ZNF69: variants seen among roughly 807,000 people sequenced by gnomAD.
ZNF69 encodes ZNF3.
In ZNF69, 47 loss-of-function variants were observed where a neutral mutation model predicts 50.9. That is an observed-to-expected ratio of 0.92 (90% confidence interval 0.73 to 1.18). The LOEUF (loss-of-function observed/expected upper bound fraction) is 1.18. ZNF69 is among the 50% of genes most tolerant of loss of function. The pLI, the probability that ZNF69 is intolerant of heterozygous loss-of-function variation, is 0.00. For synonymous variants in ZNF69, 216 were observed against 223.1 expected (o/e 0.97, Z 0.29); for missense variants, 717 against 675.1 (o/e 1.06, Z -0.69).
intron 1 of ZNF69, among the ~76,000 whole-genome samples, chr19:11,900,605 G>A (rs1246153223): frequency 2.6e-5 from 4 of 152,158 alleles, no homozygotes; most frequent in African/African-American, 9.7e-5. Flanking sequence ...ACCCGTCTCT[G>A]CCTCCCAAAG....
chr19:11,974,135 TTTCTTTCTTTCTTTCTTTCTTTCC>T, the ZNF69 span, among the ~76,000 whole-genome samples: 3 of 102,580 alleles, frequency 2.9e-5, no homozygotes, highest in African/African-American at 1.5e-4. Context: ...CTTTTCTTTC[TTTCTTTCTTTCTTTCTTTCTTTCC>T]TTCCTTCCTT....
At chr19:11,952,121 G>C in the ZNF69 span, among the ~76,000 whole-genome samples, 1 of 152,084 alleles carries the variant, frequency 6.6e-6, no homozygotes, top group African/African-American at 2.4e-5. Context: ...AGAGGTTGCA[G>C]TGAGCCAAGA....
chr19:11,927,427 TA>T, the ZNF69 span, among the ~76,000 whole-genome samples: 1 of 102,756 alleles, frequency 9.7e-6, no homozygotes, highest in African/African-American at 7.8e-5. Context: ...TCTATTTAAA[TA>T]AATAAATAAA....
At chr19:11,922,808 T>C in the ZNF69 span, among the ~76,000 whole-genome samples, 1 of 150,412 alleles carries the variant, frequency 6.6e-6, no homozygotes, top group Non-Finnish European at 1.5e-5. Flanking sequence ...TGGTGGGCTT[T>C]TTATGGGTTT....
chr19:11,894,897 AAAGCCCACCCCAACGGGGTG>A (rs1340754895), intron 1 of ZNF69, among the ~76,000 whole-genome samples: 17 of 152,250 alleles, frequency 1.1e-4, no homozygotes, highest in African/African-American at 3.6e-4. Flanking sequence ...AAAGACAAGG[AAAGCCCACCCCAACGGGGTG>A]GACCAGTAGC....
the ZNF69 span, among the ~76,000 whole-genome samples, chr19:11,956,153 C>T: frequency 3.9e-5 from 6 of 152,174 alleles, no homozygotes; most frequent in South Asian, 1.2e-3. Flanking sequence ...CATTGGTTGC[C>T]GCTTGCCAAA....
the ZNF69 span, among the ~76,000 whole-genome samples, chr19:11,924,609 A>G: frequency 6.6e-6 from 1 of 152,130 alleles, no homozygotes; most frequent in Admixed American, 6.5e-5. Context: ...AAGATCTGAA[A>G]GGAGGAAGCA....
chr19:11,975,109 TC>T, the ZNF69 span, among the ~76,000 whole-genome samples: 18 of 152,046 alleles, frequency 1.2e-4, no homozygotes, highest in African/African-American at 3.6e-4. Flanking sequence ...TTTTTTTTTT[TC>T]TCGTTGAGAC....
the ZNF69 span, among the ~76,000 whole-genome samples, chr19:11,947,956 G>C: frequency 6.6e-6 from 1 of 152,200 alleles, no homozygotes; most frequent in Non-Finnish European, 1.5e-5. Flanking sequence ...GCTGCAGTAA[G>C]CTATGATGAT....
At chr19:11,910,206 T>C (rs1972437366), downstream of ZNF69, among the ~76,000 whole-genome samples, 1 of 152,194 alleles carries the variant, frequency 6.6e-6, no homozygotes, top group Non-Finnish European at 1.5e-5. Flanking sequence ...TCCATGCTCG[T>C]GGATAGGAAG....
At chr19:11,941,562 G>A in the ZNF69 span, among the ~76,000 whole-genome samples, 5 of 152,218 alleles carry the variant, frequency 3.3e-5, no homozygotes, top group Non-Finnish European at 5.9e-5. Flanking sequence ...CATTGCCCAG[G>A]GCCAGCAGGG....
chr19:11,930,995 G>T, the ZNF69 span, among the ~76,000 whole-genome samples: 2 of 139,288 alleles, frequency 1.4e-5, no homozygotes, highest in African/African-American at 3.0e-5. Flanking sequence ...ACAAAATTCC[G>T]TCTCAAAAAA....
At chr19:11,965,336 G>C in the ZNF69 span, 1 of 1,359,712 alleles carries the variant, frequency 7.4e-7, no homozygotes, top group Non-Finnish European at 1.0e-6. Context: ...AGTCCTCCTG[G>C]AGCTGCTCGG....
the ZNF69 span, among the ~76,000 whole-genome samples, chr19:11,972,146 A>T: frequency 6.6e-6 from 1 of 151,894 alleles, no homozygotes; most frequent in Admixed American, 6.6e-5. Flanking sequence ...ATACCTGGTC[A>T]TGGTGATGTG....
chr19:11,974,467 A>G, the ZNF69 span, among the ~76,000 whole-genome samples: 2 of 151,904 alleles, frequency 1.3e-5, no homozygotes, highest in Non-Finnish European at 2.9e-5. Flanking sequence ...AAAATGCTCA[A>G]TTATAGGTGT....
At chr19:11,917,724 T>C (rs1285835625), downstream of ZNF69, among the ~76,000 whole-genome samples, 1 of 151,280 alleles carries the variant, frequency 6.6e-6, no homozygotes, top group African/African-American at 2.4e-5. Flanking sequence ...GCAACTTGCC[T>C]CCCAGATTCT....
the ZNF69 span, among the ~76,000 whole-genome samples, chr19:11,960,057 A>G: frequency 6.7e-6 from 1 of 148,438 alleles, no homozygotes; most frequent in Non-Finnish European, 1.5e-5. Flanking sequence ...TTTTTTAGAC[A>G]AGAGTTTGGC....
At chr19:11,944,552 G>A in the ZNF69 span, among the ~76,000 whole-genome samples, 1 of 152,156 alleles carries the variant, frequency 6.6e-6, no homozygotes, top group South Asian at 2.1e-4. Flanking sequence ...TTCAAACCTA[G>A]GAATAAGATC....
At chr19:11,945,397 C>T in the ZNF69 span, among the ~76,000 whole-genome samples, 1 of 152,214 alleles carries the variant, frequency 6.6e-6, no homozygotes, top group East Asian at 1.9e-4. Context: ...AGCACAAGTC[C>T]TGTACTGGCC....
Sources: allele counts gnomAD v4.1 joint callset (sites outside exome capture counted in the v4.1 genomes callset), GRCh38; gene constraint gnomAD v4.1.1; transcripts MANE v1.5; gene names NCBI Gene and HGNC (gene_info 2026-07-23, HGNC 2026-07-21).